The following ZMYND8 variants were observed in gnomAD, a reference collection of about 807,000 sequenced individuals.
ZMYND8 encodes the protein zinc finger MYND-type containing 8.
ZMYND8 carries 37 observed loss-of-function variants against 140.8 expected under a neutral mutation model. That is an observed-to-expected ratio of 0.26 (90% CI 0.20 to 0.35). The LOEUF is 0.35. ZMYND8 is among the 10% of genes least tolerant of loss of function. The pLI is 1.00. For missense variants in ZMYND8, 1,068 were observed against 1,570.0 expected (o/e 0.68, Z 5.40); for synonymous variants, 592 against 597.1 (o/e 0.99, Z 0.12).
At chr20:47,302,160 C>A (rs1025598804) in intron 3 of ZMYND8, among the ~76,000 whole-genome samples, 7 of 151,770 alleles carry the variant, frequency 4.6e-5, no homozygotes, top group African/African-American at 1.7e-4. Context: ...CAAACTAATA[C>A]AGTATGTATG....
At chr20:47,328,390 T>C (rs1247980282) in intron 2 of ZMYND8, among the ~76,000 whole-genome samples, 3 of 152,190 alleles carry the variant, frequency 2.0e-5, no homozygotes, top group Non-Finnish European at 2.9e-5. Context: ...CTTTGGCTTG[T>C]TGTCAAGGAG....
intron 5 of ZMYND8, among the ~76,000 whole-genome samples, chr20:47,292,513 A>T (rs1361328795): frequency 6.6e-6 from 1 of 152,174 alleles, no homozygotes; most frequent in East Asian, 1.9e-4. Context: ...AATTTGTTAA[A>T]GGTTCTCAAT....
chr20:47,283,465 C>G, intron 9 of ZMYND8, 106 bp downstream of exon 9: 1 of 1,130,420 alleles, frequency 8.8e-7, no homozygotes, highest in Non-Finnish European at 1.3e-6. Flanking sequence ...TCTTAAAACT[C>G]CATCCAAAGT....
chr20:47,302,726 A>G (rs1245673598), intron 3 of ZMYND8, among the ~76,000 whole-genome samples: 2 of 152,148 alleles, frequency 1.3e-5, no homozygotes, highest in African/African-American at 4.8e-5. Flanking sequence ...TCATAAGACA[A>G]CGTTGAATCC....
chr20:47,229,575 A>ACC, intron 17 of ZMYND8, 151 bp downstream of exon 17: 2 of 672,588 alleles, frequency 3.0e-6, no homozygotes, highest in Non-Finnish European at 5.1e-6. Flanking sequence ...AGGAAAAAAT[A>ACC]CCCCCATCGA....
intron 11 of ZMYND8, among the ~76,000 whole-genome samples, chr20:47,275,418 C>T (rs916221364): frequency 6.6e-6 from 1 of 150,568 alleles, no homozygotes; most frequent in African/African-American, 2.4e-5. Context: ...CACTTGAACC[C>T]AGGAGGTGGA....
chr20:47,287,639 T>C (rs954620594), intron 7 of ZMYND8, among the ~76,000 whole-genome samples: 8 of 152,176 alleles, frequency 5.3e-5, no homozygotes, highest in African/African-American at 1.9e-4. Flanking sequence ...CCAAGAAGAA[T>C]ACAAGAGAAA....
At chr20:47,315,215 G>A (rs1601850386) in intron 2 of ZMYND8, among the ~76,000 whole-genome samples, 1 of 152,192 alleles carries the variant, frequency 6.6e-6, no homozygotes, top group East Asian at 1.9e-4. Context: ...CTGAGGTTCT[G>A]CTCAGCAAGA....
intron 12 of ZMYND8, among the ~76,000 whole-genome samples, chr20:47,253,485 C>T (rs188704178): frequency 3.0e-4 from 44 of 149,020 alleles, no homozygotes; most frequent in African/African-American, 9.9e-4. Context: ...TGCAGTGAGC[C>T]GAGATCACAC....
rs139704859 is a variant in ZMYND8 at position 47,285,577 on chromosome 20, A to G, written c.804+1652T>C. ...TAGTTTTGTAATTACAACTCCCAAT[A>G]TTGGAAAGGACATAGCCTCATTGTA... is the stretch of plus-strand genomic sequence containing the variant. On this transcript the variant is annotated intron_variant, in intron 8 of 22. Transcript: ENST00000471951. 2.6e-5 allele frequency: 18 copies of G among 682,604 alleles called. No homozygotes were observed. The East Asian group carries it at 2.4e-3, about 92-fold the overall frequency. The allele number at this position is 682,604 out of a possible 1,614,324, so 42.3% of individuals were successfully genotyped here.
rs2038215179 is a variant in ZMYND8, at chr20:47,229,745, G to A, written c.2918C>T (p.Thr973Ile). The A allele has an allele frequency of 6.2e-7, 1 of 1,613,318 alleles. No individual in the cohort carries two copies. ...TCTGACCTCAGCTATTGTGCTTCCAGTAGTGTTTTTAGAAAGATCGTTGTA... is the reference window on the plus strand; with the variant it reads ...TCTGACCTCAGCTATTGTGCTTCCAATAGTGTTTTTAGAAAGATCGTTGTA... ...EIYNDLSKNT[T>I]GSTIAEIRRL... The change falls in exon 17 of 23, where the codon ACT (threonine) becomes ATT (isoleucine). Residue 973 changes from threonine to isoleucine, a missense_variant. This residue lies in a region of ZMYND8 where 87 missense variants were observed against 151.1 expected (regional missense o/e 0.58). Transcript: ENST00000471951.
rs1354527666 is a variant in ZMYND8 at position 47,290,267 on chromosome 20, T to C, written c.668A>G (p.Lys223Arg). Residue 223 changes from lysine to arginine, a missense_variant, in exon 7 of 23, where the codon AAA (lysine) becomes AGA (arginine). By Grantham distance (26) the Lys-to-Arg change is conservative (BLOSUM62 2). Coordinates refer to ENST00000471951, the MANE Select transcript of ZMYND8 (RefSeq NM_001281775.3). ...MDLCTLEKNA[K>R]KKMYGCTEAF... ...TTCTGTGCAGCCATACATTTTCTTT[T>C]TCGCATTCTGGGAAGAAAAGCGATG... is the stretch of plus-strand genomic sequence containing the variant. 3.7e-6 allele frequency: 6 copies of C among 1,613,380 alleles called. No individual in the cohort carries two copies. Among genetic ancestry groups the C allele is most frequent in the South Asian group, 2.2e-5 (2 of 90,934 alleles).
At position 47,285,585 on chromosome 20, in the gene ZMYND8, G is replaced by C. The variant is rs924607354; in HGVS notation, c.804+1644C>G. 3 of 732,972 alleles carry C rather than the reference G, an allele frequency of 4.1e-6. No individual in the cohort carries two copies. In the African/African-American group the frequency reaches 5.8e-5, roughly 14 times the overall value. The allele number at this position is 732,972 out of a possible 1,614,324, so 45.4% of individuals were successfully genotyped here. A position where few individuals can be genotyped will look rare whatever the true frequency, so the allele number is the denominator to read the frequency against. Reference sequence around the variant, plus strand: ...TAATTACAACTCCCAATATTGGAAAGGACATAGCCTCATTGTAACTGGAAC... The same window carrying C: ...TAATTACAACTCCCAATATTGGAAACGACATAGCCTCATTGTAACTGGAAC... On this transcript the variant is annotated intron_variant, in intron 8 of 22. Coordinates refer to ENST00000471951, the MANE Select transcript of ZMYND8 (RefSeq NM_001281775.3).
chr20:47,249,653 A>G (rs914665219), intron 12 of ZMYND8, among the ~76,000 whole-genome samples: 1 of 141,932 alleles, frequency 7.0e-6, no homozygotes, highest in Non-Finnish European at 1.6e-5. Context: ...AGGTTTAAAC[A>G]GTCCACTGAA....
At chr20:47,334,605 AATAT>A (rs56937532) in intron 2 of ZMYND8, among the ~76,000 whole-genome samples, 3 of 141,696 alleles carry the variant, frequency 2.1e-5, no homozygotes, top group African/African-American at 7.9e-5. Context: ...GAAAAAAAAA[AATAT>A]ATATATATAT....
chr20:47,336,876 C>T (rs1481563847), intron 2 of ZMYND8, among the ~76,000 whole-genome samples: 2 of 152,188 alleles, frequency 1.3e-5, no homozygotes, highest in African/African-American at 4.8e-5. Flanking sequence ...GCACACTCTC[C>T]CATTCACCAA....
intron 12 of ZMYND8, among the ~76,000 whole-genome samples, chr20:47,253,817 A>T (rs950854846): frequency 1.3e-5 from 2 of 152,248 alleles, no homozygotes; most frequent in Non-Finnish European, 2.9e-5. Context: ...TTAGCCTAAA[A>T]AGACTGAGCA....
intron 2 of ZMYND8, among the ~76,000 whole-genome samples, chr20:47,315,489 C>G (rs979360378): frequency 6.6e-6 from 1 of 151,998 alleles, no homozygotes; most frequent in African/African-American, 2.4e-5. Flanking sequence ...GATTCGGTAT[C>G]CTTCGGAGGG....
intron 2 of ZMYND8, among the ~76,000 whole-genome samples, chr20:47,340,314 A>C (rs1329010176): frequency 1.3e-5 from 2 of 152,120 alleles, no homozygotes; most frequent in African/African-American, 4.8e-5. Flanking sequence ...ATGGTGGTCC[A>C]GGGGTGCTTA....
Sources: allele counts gnomAD v4.1 joint callset (sites outside exome capture counted in the v4.1 genomes callset), GRCh38; gene constraint gnomAD v4.1.1; regional missense constraint gnomAD v4.1.1; transcripts MANE v1.5; gene names NCBI Gene and HGNC (gene_info 2026-07-23, HGNC 2026-07-21).